Variants in WDR59 observed in about 807,000 individuals in gnomAD.
The protein encoded by WDR59 is GATOR2 complex protein WDR59.
WDR59 carries 100 observed loss-of-function variants against 131.2 expected under a neutral mutation model. The observed-to-expected ratio is 0.76, with a 90% CI of 0.65 to 0.90. The LOEUF (loss-of-function observed/expected upper bound fraction) is 0.90. Ranked by LOEUF, WDR59 falls within the 40% of genes least tolerant of loss-of-function variation. WDR59 has a pLI of 0.00. For synonymous variants in WDR59, 601 were observed against 466.2 expected (o/e 1.29, Z -3.72); for missense variants, 1,203 against 1,262.2 (o/e 0.95, Z 0.71).
At chr16:74,956,163 T>G (rs1943063) in intron 3 of WDR59, among the ~76,000 whole-genome samples, 70,763 of 151,956 alleles carry the variant, frequency 0.47, 16,742 homozygotes, top group East Asian at 0.72. Context: ...CTGCCATTTG[T>G]CCGCTGGCTA....
chr16:74,934,743 T>C (rs967085200), intron 8 of WDR59, among the ~76,000 whole-genome samples: 2 of 151,556 alleles, frequency 1.3e-5, no homozygotes, highest in African/African-American at 4.9e-5. Context: ...AGCCCAGGAG[T>C]TCAAAACCAG....
rs373032554 is a variant in WDR59 at position 74,908,891 on chromosome 16, G to A, written c.1712+17C>T. 1 of 1,612,532 alleles carries A rather than the reference G, an allele frequency of 6.2e-7. No homozygotes were observed. The highest frequency in any genetic ancestry group is 1.1e-5 in the South Asian group (1 of 90,936). On this transcript the variant is annotated intron_variant, in intron 17 of 25. Transcript: ENST00000262144. ...GCCCCGGGAACGTAGAGCGGCTTCT[G>A]CATCTCCCTGACTCACCTCGGAGTA... is the stretch of plus-strand genomic sequence containing the variant.
intron 1 of WDR59, among the ~76,000 whole-genome samples, chr16:74,976,648 A>G (rs150506482): frequency 0.034 from 5,194 of 152,150 alleles, 112 homozygotes; most frequent in Non-Finnish European, 0.05. Context: ...TCACTGTGTT[A>G]GCCAGGATGG....
chr16:74,941,316 G>C (rs1400352313), intron 7 of WDR59, among the ~76,000 whole-genome samples: 1 of 149,266 alleles, frequency 6.7e-6, no homozygotes, highest in African/African-American at 2.5e-5. Flanking sequence ...ACTCCAGTCT[G>C]GGTGACAGAA....
intron 19 of WDR59, 43 bp downstream of exon 19, chr16:74,893,636 T>C: frequency 1.9e-6 from 3 of 1,551,578 alleles, no homozygotes; most frequent in Non-Finnish European, 2.6e-6. Context: ...TTGCTAATCC[T>C]GGCTAAATGA....
At chr16:74,887,533 C>G (rs1398399797) in intron 23 of WDR59, 150 bp downstream of exon 23, 10 of 719,656 alleles carry the variant, frequency 1.4e-5, no homozygotes, top group Non-Finnish European at 2.0e-5. Context: ...CAAAGTCAGG[C>G]CTCCAGCAAG....
rs747440239 is a variant in WDR59, at chr16:74,893,788, G to A, written c.1891C>T (p.Arg631Cys). The change falls in exon 19 of 26, where the codon CGT becomes TGT. Residue 631 changes from arginine to cysteine, a missense_variant. Transcript: ENST00000262144. ...CGATTGCCAGAGTCTGATCCCTCAC[G>A]CTTACTTTTCCATCGTCTTGATTTC... ...ERKSRRWKSKREGSDSGNRQI... is the reference protein window; with the variant it reads ...ERKSRRWKSKCEGSDSGNRQI... The A allele has an allele frequency of 1.5e-5, 24 of 1,614,056 alleles. No individual in the cohort carries two copies. Among genetic ancestry groups the A allele is most frequent in the Admixed American group, 3.3e-5 (2 of 60,028 alleles).
rs374113044 is a variant in WDR59, at chr16:74,917,637, C to T, written c.966+292G>A. Among the ~76,000 whole-genome samples the T allele has an allele frequency of 9.9e-5, 15 of 151,722 alleles. No individual in the cohort carries two copies. The South Asian group carries it at 1.0e-3, about 11-fold the overall frequency. On this transcript the variant is annotated intron_variant, in intron 11 of 25. Coordinates refer to ENST00000262144, the MANE Select transcript of WDR59 (RefSeq NM_030581.4). ...TAGCCTGGCCAACTTGGTGAAACCC[C>T]GTCTCTACTAAAAATACAAAAATTA...
At chr16:74,968,486 C>A (rs368933765) in intron 1 of WDR59, among the ~76,000 whole-genome samples, 1 of 152,054 alleles carries the variant, frequency 6.6e-6, no homozygotes, top group South Asian at 2.1e-4. Context: ...TTTGGGAGGC[C>A]GAGGCAGGCG....
At chr16:74,937,977 C>T (rs924048955) in intron 8 of WDR59, among the ~76,000 whole-genome samples, 173 bp downstream of exon 8, 8 of 152,230 alleles carry the variant, frequency 5.3e-5, no homozygotes, top group African/African-American at 1.7e-4. Flanking sequence ...CTCGCTCTGT[C>T]GCATTTTGCT....
intron 2 of WDR59, among the ~76,000 whole-genome samples, chr16:74,963,420 A>T (rs9935810): frequency 0.016 from 2,367 of 151,804 alleles, 54 homozygotes; most frequent in African/African-American, 0.054. Context: ...TAAAAAGGAA[A>T]GAGATCATGT....
intron 7 of WDR59, among the ~76,000 whole-genome samples, chr16:74,942,319 G>A (rs980140697): frequency 1.3e-5 from 2 of 152,082 alleles, no homozygotes; most frequent in African/African-American, 4.8e-5. Flanking sequence ...GCAGGCATCC[G>A]AGAACAAATA....
chr16:74,974,136 C>T (rs987506095), intron 1 of WDR59, among the ~76,000 whole-genome samples: 2 of 152,112 alleles, frequency 1.3e-5, no homozygotes, highest in Non-Finnish European at 2.9e-5. Context: ...TGCCACTGCA[C>T]TCCAACATGG....
chr16:74,896,633 T>TAAA (rs554333270), intron 18 of WDR59, among the ~76,000 whole-genome samples: 48 of 138,852 alleles, frequency 3.5e-4, no homozygotes, highest in African/African-American at 3.7e-4. Flanking sequence ...AGACCCTGCC[T>TAAA]AAAAAAAAAA....
At chr16:74,949,896 T>C in intron 4 of WDR59, 98 bp from the exon 5 acceptor site, 1 of 1,066,936 alleles carries the variant, frequency 9.4e-7, no homozygotes, top group Middle Eastern at 2.0e-4. Flanking sequence ...CTTCAGAATG[T>C]CATCATTAAC....
rs61511176 is a variant in WDR59, at chr16:74,927,683, AACACACACACACACAC to A, written c.652-3696_652-3681del. Among the ~76,000 whole-genome samples the A allele has an allele frequency of 2.5e-5, 3 of 118,180 alleles. No homozygotes were observed. In the South Asian group the frequency reaches 7.4e-4, roughly 29 times the overall value. The allele number at this position is 118,180 out of a possible 152,430, so 77.5% of individuals were successfully genotyped here. A position where few individuals can be genotyped will look rare whatever the true frequency, so the allele number is the denominator to read the frequency against. ...GTTTTAGATTTGCTGCTCTTTAAAA[AACACACACACACACAC>A]ACACACACACACACACACAAAACTC... On this transcript the variant is annotated intron_variant, in intron 8 of 25. Transcript: ENST00000262144.
chr16:74,980,500 C>A (rs1482171586), intron 1 of WDR59, among the ~76,000 whole-genome samples: 1 of 150,122 alleles, frequency 6.7e-6, no homozygotes. Context: ...ATTACAGGCA[C>A]ACGCCACCAT....
chr16:74,894,464 G>A (rs1210149143), intron 18 of WDR59, among the ~76,000 whole-genome samples: 1 of 152,174 alleles, frequency 6.6e-6, no homozygotes, highest in Non-Finnish European at 1.5e-5. Flanking sequence ...ACCTATGGGT[G>A]GCTACATGTG....
At chr16:74,928,204 GT>G (rs71378719) in intron 8 of WDR59, among the ~76,000 whole-genome samples, 37,878 of 114,516 alleles carry the variant, frequency 0.33, 5,998 homozygotes, top group African/African-American at 0.48. Context: ...CTGCATCCAG[GT>G]TTTTTTTTTT....
Sources: allele counts gnomAD v4.1 joint callset (sites outside exome capture counted in the v4.1 genomes callset), GRCh38; gene constraint gnomAD v4.1.1; transcripts MANE v1.5; gene names NCBI Gene and HGNC (gene_info 2026-07-23, HGNC 2026-07-21).